Variants in DUS4L observed in about 807,000 individuals in gnomAD.
DUS4L encodes the protein dihydrouridine synthase 4 like.
DUS4L carries 31 observed loss-of-function variants against 33.8 expected under a neutral mutation model. That is an observed-to-expected ratio of 0.92 (90% CI 0.69 to 1.24). DUS4L has a LOEUF of 1.24. Ranked by LOEUF, DUS4L falls within the 50% of genes most tolerant of loss-of-function variation. The pLI, the probability that DUS4L is intolerant of heterozygous loss-of-function variation, is 0.00. For synonymous variants in DUS4L, 103 were observed against 120.3 expected (o/e 0.86, Z 0.94); for missense variants, 368 against 388.6 (o/e 0.95, Z 0.45).
rs1805870272 is a variant in DUS4L, at chr7:107,577,613, CAGA to C, written c.*56_*58del. The C allele has an allele frequency of 1.3e-6, 2 of 1,550,748 alleles. No homozygotes were observed. Among genetic ancestry groups the C allele is most frequent in the Non-Finnish European group, 1.7e-6 (2 of 1,145,262 alleles). On this transcript the variant is annotated 3_prime_UTR_variant, in exon 8 of 8. Coordinates refer to ENST00000265720, the MANE Select transcript of DUS4L (RefSeq NM_181581.3). ...TACTTTTAGACCCACAGTGAAACCA[CAGA>C]AGGTCATATTTTGTACCTTAAACCA...
intron 4 of DUS4L, among the ~76,000 whole-genome samples, chr7:107,571,752 AG>A (rs927570480): frequency 4.6e-5 from 7 of 152,212 alleles, no homozygotes; most frequent in African/African-American, 7.2e-5. Flanking sequence ...AGCTTGTTAA[AG>A]GTTGAGAACT....
chr7:107,564,261 C>T, intron 1 of DUS4L, 52 bp downstream of exon 1: 1 of 545,760 alleles, frequency 1.8e-6, no homozygotes. Flanking sequence ...AGTATTAAAC[C>T]TCAGAACAGG....
At chr7:107,569,246 C>A (rs1395305255) in intron 3 of DUS4L, among the ~76,000 whole-genome samples, 1 of 152,192 alleles carries the variant, frequency 6.6e-6, no homozygotes, top group Non-Finnish European at 1.5e-5. Context: ...TCCGCTAATT[C>A]TTTGCTTCTT....
intron 5 of DUS4L, among the ~76,000 whole-genome samples, chr7:107,574,652 C>A (rs951801918): frequency 1.3e-5 from 2 of 152,108 alleles, no homozygotes; most frequent in Admixed American, 1.3e-4. Context: ...AATAATAGTT[C>A]TACTTTACTG....
At chr7:107,575,430 G>T in intron 6 of DUS4L, 120 bp downstream of exon 6, 1 of 1,121,240 alleles carries the variant, frequency 8.9e-7, no homozygotes, top group Non-Finnish European at 1.2e-6. Context: ...GCTGGTGTAT[G>T]GAAATGTTGA....
rs761322237 is a variant in DUS4L, at chr7:107,575,327, A to G, written c.479+17A>G. ...TAAAATAAGGTAAAGACAATATTTCAATCTATTGATAGGATAATCCATTAC... is the reference window on the plus strand; with the variant it reads ...TAAAATAAGGTAAAGACAATATTTCGATCTATTGATAGGATAATCCATTAC... On this transcript the variant is annotated intron_variant, in intron 6 of 7. Coordinates refer to ENST00000265720, the MANE Select transcript of DUS4L (RefSeq NM_181581.3). The G allele has an allele frequency of 2.5e-6, 4 of 1,607,550 alleles. No individual in the cohort carries two copies. The highest frequency in any genetic ancestry group is 3.4e-6 in the Non-Finnish European group (4 of 1,177,466).
At chr7:107,574,984 C>A in intron 5 of DUS4L, 1 of 630,582 alleles carries the variant, frequency 1.6e-6, no homozygotes, top group Non-Finnish European at 2.7e-6. Context: ...AAAACCATTT[C>A]TCCTGAGTAC....
intron 4 of DUS4L, 102 bp downstream of exon 4, chr7:107,571,368 G>A: frequency 2.1e-6 from 3 of 1,458,522 alleles, no homozygotes; most frequent in East Asian, 2.5e-5. Context: ...TTTATGTGAA[G>A]AAGCTTTAGT....
At chr7:107,571,913 A>G (rs1178964019) in intron 4 of DUS4L, among the ~76,000 whole-genome samples, 1 of 152,198 alleles carries the variant, frequency 6.6e-6, no homozygotes, top group Non-Finnish European at 1.5e-5. Context: ...AAGTTATTTT[A>G]AGTCCTTGAA....
intron 3 of DUS4L, among the ~76,000 whole-genome samples, chr7:107,569,762 A>G (rs1805037993): frequency 6.6e-6 from 1 of 152,224 alleles, no homozygotes; most frequent in African/African-American, 2.4e-5. Context: ...TGTTGATCTT[A>G]TATCCTGAAA....
chr7:107,574,236 CT>C (rs1805524404), intron 5 of DUS4L, among the ~76,000 whole-genome samples: 1 of 152,112 alleles, frequency 6.6e-6, no homozygotes, highest in Non-Finnish European at 1.5e-5. Context: ...ATTAATTCCC[CT>C]TATAAAAATA....
chr7:107,564,137 G>A lies in DUS4L; in HGVS notation c.-183G>A. On this transcript the variant is annotated 5_prime_UTR_variant, in exon 1 of 8. Coordinates refer to ENST00000265720, the MANE Select transcript of DUS4L (RefSeq NM_181581.3). Reference sequence around the variant, plus strand: ...AGGGAGCCAAGGCCGTCGGGCCGGCGCTTTCAGCTGTCTCTCGCAGCAGCT... The same window carrying A: ...AGGGAGCCAAGGCCGTCGGGCCGGCACTTTCAGCTGTCTCTCGCAGCAGCT... 1.2e-6 allele frequency: 1 copy of A among 832,810 alleles called. No individual in the cohort carries two copies. Among genetic ancestry groups the A allele is most frequent in the Non-Finnish European group, 1.9e-6 (1 of 536,782 alleles). 51.6% of individuals were successfully genotyped at this position (832,810 alleles called of 1,614,324 possible).
At position 107,571,211 on chromosome 7, in the gene DUS4L, C is replaced by T. The variant is rs1200184616; in HGVS notation, c.183C>T (p.Ala61=). 4.3e-6 allele frequency: 7 copies of T among 1,611,516 alleles called. No individual in the cohort carries two copies. The highest frequency in any genetic ancestry group is 1.1e-5 in the South Asian group (1 of 90,272). The change falls in exon 4 of 8, where the codon GCC becomes GCT. Residue 61 remains alanine (A), a synonymous_variant. Transcript: ENST00000265720. ...CDLCYTPMIV[A]ADFVKSIKAR... is the part of the protein sequence containing the mutation. Reference sequence around the variant, plus strand: ...TGTGTTACACACCAATGATTGTTGCCGCTGATTTTGTCAAATCTATAAAAG... The same window carrying T: ...TGTGTTACACACCAATGATTGTTGCTGCTGATTTTGTCAAATCTATAAAAG...
intron 5 of DUS4L, chr7:107,574,972 T>C (rs993100596): frequency 1.7e-6 from 1 of 589,630 alleles, no homozygotes; most frequent in Non-Finnish European, 2.9e-6. Context: ...CACTTGCCAA[T>C]GAAAACCATT....
chr7:107,577,537 C>G lies in DUS4L; in HGVS notation c.931C>G (p.Leu311Val). 6.2e-7 allele frequency: 1 copy of G among 1,613,846 alleles called. No individual in the cohort carries two copies. The highest frequency in any genetic ancestry group is 2.2e-5 in the East Asian group (1 of 44,868). ...AAGCACATCAGCAATCATAGATTAC[C>G]TTACAGACCATTATGGCATTTGACT... ...LSSTSAIIDYLTDHYGI is the reference protein window; with the variant it reads ...LSSTSAIIDYVTDHYGI The change falls in exon 8 of 8, where the codon CTT becomes GTT. Residue 311 changes from leucine to valine, a missense_variant. Transcript: ENST00000265720.
rs1563114869 is a variant in DUS4L, at chr7:107,573,828, C to T, written c.356+7C>T. 6.7e-7 allele frequency: 1 copy of T among 1,495,604 alleles called. No individual in the cohort carries two copies. Among genetic ancestry groups the T allele is most frequent in the African/African-American group, 1.4e-5 (1 of 70,086 alleles). 92.6% of individuals were successfully genotyped at this position (1,495,604 alleles called of 1,614,324 possible). On this transcript the variant is annotated splice_region_variant and intron_variant, in intron 5 of 7. Coordinates refer to ENST00000265720, the MANE Select transcript of DUS4L (RefSeq NM_181581.3). ...ACTGTGGTTGCCCTCAGAGGTAAAG[C>T]TCAAAGAAGTTGGAAGAATTTTCCA...
chr7:107,575,310 G>A lies in DUS4L; in HGVS notation c.479G>A (p.Arg160Lys), dbSNP rs775402842. 1.2e-6 allele frequency: 2 copies of A among 1,608,386 alleles called. No homozygotes were observed. The highest frequency in any genetic ancestry group is 2.2e-5 in the South Asian group (2 of 89,688). The stretch of plus-strand genomic sequence containing the variant: ...GGATTTTCAGTTTCTATTAAAATAA[G>A]GTAAAGACAATATTTCAATCTATTG... ...TPGFSVSIKI[R>K]IHDDLKRTVD... Residue 160 changes from arginine (R) to lysine (K), a missense_variant and splice_region_variant, in exon 6 of 8, where the codon AGG becomes AAG. Arg to Lys is a conservative substitution (Grantham distance 26). Transcript: ENST00000265720.
chr7:107,576,569 T>C lies in DUS4L; in HGVS notation c.683T>C (p.Val228Ala). The C allele has an allele frequency of 6.3e-7, 1 of 1,590,490 alleles. No homozygotes were observed. The highest frequency in any genetic ancestry group is 1.2e-5 in the South Asian group (1 of 86,570). Residue 228 changes from valine to alanine, a missense_variant, in exon 7 of 8, where the codon GTG becomes GCG. By Grantham distance (64) the Val-to-Ala change is moderately conservative (BLOSUM62 0). Coordinates refer to ENST00000265720, the MANE Select transcript of DUS4L (RefSeq NM_181581.3). ...DIRSLKEAEN[V>A]WRITGTDGVM... ...AGAAGCTTAAAGGAAGCAGAAAATG[T>C]GTGGCGGATTACTGGGACAGATGGT...
Position 107,564,070 on chromosome 7 carries a change from A to AGTGT in DUS4L, c.-247_-246insTGTG. On this transcript the variant is annotated 5_prime_UTR_variant, in exon 1 of 8. Coordinates refer to ENST00000265720, the MANE Select transcript of DUS4L (RefSeq NM_181581.3). ...CTAGGAGCCGCGCAGGTACTCGAGC[A>AGTGT]GTGGGCGCCCAGGGTCCGAGTGCTC... is the stretch of plus-strand genomic sequence containing the variant. 2 of 1,445,094 alleles carry AGTGT rather than the reference A, an allele frequency of 1.4e-6. No individual in the cohort carries two copies. The highest frequency in any genetic ancestry group is 1.9e-6 in the Non-Finnish European group (2 of 1,068,504). The allele number at this position is 1,445,094 out of a possible 1,614,324, so 89.5% of individuals were successfully genotyped here.
Sources: allele counts gnomAD v4.1 joint callset (sites outside exome capture counted in the v4.1 genomes callset), GRCh38; gene constraint gnomAD v4.1.1; transcripts MANE v1.5; gene names NCBI Gene and HGNC (gene_info 2026-07-23, HGNC 2026-07-21).